Variants in TRIM72 observed in about 807,000 individuals in gnomAD.
The protein encoded by TRIM72 is tripartite motif containing 72.
Under a neutral mutation model 31.6 loss-of-function variants are expected in TRIM72, and 33 were observed. The ratio of observed to expected loss-of-function variants is 1.04; its 90% confidence interval spans 0.79 to 1.40. The LOEUF (loss-of-function observed/expected upper bound fraction) is 1.40, where lower values mean the gene tolerates loss of function less well. TRIM72 is among the 40% of genes most tolerant of loss of function. TRIM72 has a pLI of 0.00. For missense variants in TRIM72, 666 were observed against 682.7 expected (o/e 0.98, Z 0.27); for synonymous variants, 301 against 314.4 (o/e 0.96, Z 0.45).
Position 31,222,916 on chromosome 16 carries a change from G to A in TRIM72, c.830G>A (p.Trp277Ter). ...TCAGATGACTTCAAATTCCAGGTGT[G>A]GAGGAAGATGTTCCGGGCTCTGATG... ...IISDDFKFQVWRKMFRALMPA... is the reference protein window; with the variant it reads ...IISDDFKFQV The change falls in exon 6 of 7, where the codon TGG becomes TAG. Residue 277 changes from tryptophan to a stop codon, truncating the protein, a stop_gained. Coordinates refer to ENST00000322122, the MANE Select transcript of TRIM72 (RefSeq NM_001008274.4). LOFTEE classifies it low-confidence loss of function (END_TRUNC). 6.4e-7 allele frequency: 1 copy of A among 1,570,940 alleles called. No individual in the cohort carries two copies. The highest frequency in any genetic ancestry group is 1.2e-5 in the South Asian group (1 of 85,232).
chr16:31,215,084 G>T lies in TRIM72; in HGVS notation c.346G>T (p.Gly116Cys). Reference protein sequence around the residue: ...GVCASLGSHRGHRLLPAAEAH... With the variant: ...GVCASLGSHRCHRLLPAAEAH... ...GTGCGCCTCACTCGGCTCGCACCGC[G>T]GTCATCGCCTCCTGCCTGCCGCCGA... The change falls in exon 2 of 7, where the codon GGT becomes TGT. Residue 116 changes from glycine (G) to cysteine (C), a missense_variant. Gly to Cys is a radical substitution (Grantham distance 159). Coordinates refer to ENST00000322122, the MANE Select transcript of TRIM72 (RefSeq NM_001008274.4). The surrounding 1 kb of genome is among the most constrained non-coding windows in gnomAD (Gnocchi z 6.3). 6.9e-7 allele frequency: 1 copy of T among 1,452,076 alleles called. No individual in the cohort carries two copies. The highest frequency in any genetic ancestry group is 9.0e-7 in the Non-Finnish European group (1 of 1,112,260). The allele number at this position is 1,452,076 out of a possible 1,614,324, so 89.9% of individuals were successfully genotyped here.
rs1313785002 is a variant in TRIM72, at chr16:31,215,386, C to T, written c.390+258C>T. On this transcript the variant is annotated intron_variant, in intron 2 of 6. Transcript: ENST00000322122. This position sits in a 1 kb window ranked among gnomAD's most constrained non-coding sequence, Gnocchi z 6.3. ...AAACGTAGGTTTCCCGGCCTTAGTC[C>T]CTAGAGGAAACTGGAGATGGGCGGG... Among the ~76,000 whole-genome samples, 1 of 152,170 alleles carries T rather than the reference C, an allele frequency of 6.6e-6. No homozygotes were observed. Among genetic ancestry groups the T allele is most frequent in the Admixed American group, 6.5e-5 (1 of 15,276 alleles).
rs886949685 is a variant in TRIM72 at position 31,215,717 on chromosome 16, T to A, written c.390+589T>A. Reference sequence around the variant, plus strand: ...GACTGTAAGGGCTAGGCAGCCGGGATCTGCACTTATGTGTGCGGGCCCAGG... The same window carrying A: ...GACTGTAAGGGCTAGGCAGCCGGGAACTGCACTTATGTGTGCGGGCCCAGG... On this transcript the variant is annotated intron_variant, in intron 2 of 6. Transcript: ENST00000322122. The surrounding 1 kb of genome is among the most constrained non-coding windows in gnomAD (Gnocchi z 6.3). Among the ~76,000 whole-genome samples, 33 of 152,122 alleles carry A rather than the reference T, an allele frequency of 2.2e-4. 1 individual carries two copies. Among genetic ancestry groups the A allele is most frequent in the Middle Eastern group, 3.2e-3 (1 of 316 alleles).
At position 31,214,713 on chromosome 16, in the gene TRIM72, C is replaced by G; in HGVS notation, c.-7-19C>G. ...CGCGGCGCCGCGGGGTCCCCCTAACCTACTCCTCCTCCACCCAGGCCCGCC... is the reference window on the plus strand; with the variant it reads ...CGCGGCGCCGCGGGGTCCCCCTAACGTACTCCTCCTCCACCCAGGCCCGCC... On this transcript the variant is annotated intron_variant, in intron 1 of 6. Coordinates refer to ENST00000322122, the MANE Select transcript of TRIM72 (RefSeq NM_001008274.4). The G allele has an allele frequency of 6.5e-7, 1 of 1,550,100 alleles. No homozygotes were observed. The highest frequency in any genetic ancestry group is 8.6e-7 in the Non-Finnish European group (1 of 1,159,800).
intron 4 of TRIM72, among the ~76,000 whole-genome samples, chr16:31,220,269 G>A (rs2079527515): frequency 6.6e-6 from 1 of 151,570 alleles, no homozygotes; most frequent in East Asian, 1.9e-4. Context: ...AAATGCCTGG[G>A]CTCAAACAAT....
chr16:31,220,456 GTTTTTTTTTTTTTTTTTTT>G (rs71151452), intron 4 of TRIM72, among the ~76,000 whole-genome samples: 2 of 29,582 alleles, frequency 6.8e-5, no homozygotes, highest in East Asian at 1.1e-3. Flanking sequence ...TCTCTTTTGC[GTTTTTTTTTTTTTTTTTTT>G]TTTTTTTTTT....
At chr16:31,217,097 T>C in intron 2 of TRIM72, 2 of 1,484,020 alleles carry the variant, frequency 1.3e-6, no homozygotes, top group Non-Finnish European at 1.8e-6. Context: ...CTGCAGCAGG[T>C]GGAGCTGCCG....
At position 31,219,094 on chromosome 16, in the gene TRIM72, G is replaced by A. The variant is rs2079522050; in HGVS notation, c.391-1G>A. 6.4e-7 allele frequency: 1 copy of A among 1,566,852 alleles called. No homozygotes were observed. Among genetic ancestry groups the A allele is most frequent in the South Asian group, 1.2e-5 (1 of 85,712 alleles). Reference sequence around the variant, plus strand: ...TCACTTCTCCATGCCTCGACCCCCAGACACAGCTGCCACAGCAGAAACTGC... The same window carrying A: ...TCACTTCTCCATGCCTCGACCCCCAAACACAGCTGCCACAGCAGAAACTGC... On this transcript the variant is annotated splice_acceptor_variant, in intron 2 of 6. Coordinates refer to ENST00000322122, the MANE Select transcript of TRIM72 (RefSeq NM_001008274.4). LOFTEE classifies it high-confidence loss of function. The surrounding 1 kb of genome is among the most constrained non-coding windows in gnomAD (Gnocchi z 4.2).
In TRIM72 at chr16:31,214,881, A is replaced by G. The variant is rs747047326; in HGVS notation, c.143A>G (p.Asp48Gly). Residue 48 changes from aspartate to glycine, a missense_variant, in exon 2 of 7, where the codon GAT becomes GGT. Transcript: ENST00000322122. ...CGCGTGGCCGGGGAGCCGGCGGCGG[A>G]TGGCACCGTTCTCTGCCCCTGCTGC... is the stretch of plus-strand genomic sequence containing the variant. ...LGRVAGEPAA[D>G]GTVLCPCCQA... 3.3e-6 allele frequency: 5 copies of G among 1,528,482 alleles called. No individual in the cohort carries two copies. The highest frequency in any genetic ancestry group is 2.2e-4 in the Middle Eastern group (1 of 4,572). 94.7% of individuals were successfully genotyped at this position (1,528,482 alleles called of 1,614,324 possible).
Position 31,220,904 on chromosome 16 carries a change from C to T in TRIM72, c.726C>T (p.Cys242=), listed in dbSNP as rs1164375721. 1 of 1,614,074 alleles carries T rather than the reference C, an allele frequency of 6.2e-7. No homozygotes were observed. The highest frequency in any genetic ancestry group is 1.3e-5 in the African/African-American group (1 of 74,922). The part of the protein sequence containing the change: ...KPQTEFLMKY[C]LVTSRLQKIL... ...TTTTTCTCTCTCTCCAGAAATACTG[C>T]CTGGTGACCAGCAGGTGAGAGCAAC... is the stretch of plus-strand genomic sequence containing the variant. Residue 242 remains cysteine, a synonymous_variant, in exon 5 of 7, where the codon TGC becomes TGT. Coordinates refer to ENST00000322122, the MANE Select transcript of TRIM72 (RefSeq NM_001008274.4).
At position 31,216,295 on chromosome 16, in the gene TRIM72, T is replaced by A. The variant is rs2079507924; in HGVS notation, c.390+1167T>A. The A allele has an allele frequency of 6.4e-6, 1 of 156,660 alleles. No homozygotes were observed. Among genetic ancestry groups the A allele is most frequent in the Non-Finnish European group, 1.4e-5 (1 of 71,154 alleles). The allele number at this position is 156,660 out of a possible 1,614,324, so 9.7% of individuals were successfully genotyped here. On this transcript the variant is annotated intron_variant, in intron 2 of 6. Coordinates refer to ENST00000322122, the MANE Select transcript of TRIM72 (RefSeq NM_001008274.4). This position sits in a 1 kb window ranked among gnomAD's most constrained non-coding sequence, Gnocchi z 6.7. Reference sequence around the variant, plus strand: ...CTCCTAGCTCAGGGCAGGAGCCTCCTCCCGGGACCCCTCCCATCCCAGCAC... The same window carrying A: ...CTCCTAGCTCAGGGCAGGAGCCTCCACCCGGGACCCCTCCCATCCCAGCAC...
In TRIM72 at chr16:31,214,780, C is replaced by A. The variant is rs764074408; in HGVS notation, c.42C>A (p.Cys14Ter). 11 of 1,582,038 alleles carry A rather than the reference C, an allele frequency of 7.0e-6. No homozygotes were observed. In the South Asian group the frequency reaches 1.2e-4, roughly 18 times the overall value. ...APGLLHQELS[C>*]PLCLQLFDAP... Reference sequence around the variant, plus strand: ...GCCTCCTGCACCAGGAGCTGTCCTGCCCGCTGTGCCTGCAGCTGTTCGACG... The same window carrying A: ...GCCTCCTGCACCAGGAGCTGTCCTGACCGCTGTGCCTGCAGCTGTTCGACG... The change falls in exon 2 of 7, where the codon TGC (cysteine) becomes TGA (stop). Residue 14 changes from cysteine to a stop codon, truncating the protein, a stop_gained. Transcript: ENST00000322122. LOFTEE classifies it high-confidence loss of function.
Position 31,215,700 on chromosome 16 carries a change from G to A in TRIM72, c.390+572G>A, listed in dbSNP as rs2079505034. On this transcript the variant is annotated intron_variant, in intron 2 of 6. Transcript: ENST00000322122. This position sits in a 1 kb window ranked among gnomAD's most constrained non-coding sequence, Gnocchi z 6.3. ...GGCCTCACCAGAAGGGAGACTGTAA[G>A]GGCTAGGCAGCCGGGATCTGCACTT... Among the ~76,000 whole-genome samples the A allele has an allele frequency of 6.6e-6, 1 of 152,228 alleles. No individual in the cohort carries two copies. Among genetic ancestry groups the A allele is most frequent in the Admixed American group, 6.5e-5 (1 of 15,282 alleles).
rs778791543 is a variant in TRIM72 at position 31,216,850 on chromosome 16, T to C, written c.390+1722T>C. 1 of 1,613,790 alleles carries C rather than the reference T, an allele frequency of 6.2e-7. No homozygotes were observed. The highest frequency in any genetic ancestry group is 1.1e-5 in the South Asian group (1 of 91,086). ...GAGCTCGGCTGCGTAGTCCTCGTAGTAGGAGGCGACCAGCTTGTCGGTGAG... is the reference window on the plus strand; with the variant it reads ...GAGCTCGGCTGCGTAGTCCTCGTAGCAGGAGGCGACCAGCTTGTCGGTGAG... On this transcript the variant is annotated intron_variant, in intron 2 of 6. Transcript: ENST00000322122. This position sits in a 1 kb window ranked among gnomAD's most constrained non-coding sequence, Gnocchi z 6.7.
In TRIM72 at chr16:31,224,164, C is replaced by G; in HGVS notation, c.860-17C>G. 1 of 1,598,992 alleles carries G rather than the reference C, an allele frequency of 6.3e-7. No homozygotes were observed. The highest frequency in any genetic ancestry group is 8.5e-7 in the Non-Finnish European group (1 of 1,179,190). ...AGGCAGAAACCTAGGGTTTTCTGAC[C>G]GTGTTCTCTCTGGCAGCGCTGGAGG... On this transcript the variant is annotated splice_polypyrimidine_tract_variant and intron_variant, in intron 6 of 6. Coordinates refer to ENST00000322122, the MANE Select transcript of TRIM72 (RefSeq NM_001008274.4).
Position 31,216,795 on chromosome 16 carries a change from C to T in TRIM72, c.390+1667C>T. Reference sequence around the variant, plus strand: ...GCTGCAGCCGTGCGGCCTCCTCCAACATGCGCATGTCGCGCAGCACGGCCA... The same window carrying T: ...GCTGCAGCCGTGCGGCCTCCTCCAATATGCGCATGTCGCGCAGCACGGCCA... On this transcript the variant is annotated intron_variant, in intron 2 of 6. Transcript: ENST00000322122. This position sits in a 1 kb window ranked among gnomAD's most constrained non-coding sequence, Gnocchi z 6.7. The T allele has an allele frequency of 6.2e-7, 1 of 1,610,846 alleles. No individual in the cohort carries two copies. The highest frequency in any genetic ancestry group is 1.1e-5 in the South Asian group (1 of 91,056).
Position 31,216,615 on chromosome 16 carries a change from G to T in TRIM72, c.390+1487G>T. The T allele has an allele frequency of 1.0e-6, 1 of 989,124 alleles. No individual in the cohort carries two copies. Among genetic ancestry groups the T allele is most frequent in the Non-Finnish European group, 1.5e-6 (1 of 676,296 alleles). 61.3% of individuals were successfully genotyped at this position (989,124 alleles called of 1,614,324 possible). On this transcript the variant is annotated intron_variant, in intron 2 of 6. Coordinates refer to ENST00000322122, the MANE Select transcript of TRIM72 (RefSeq NM_001008274.4). This position sits in a 1 kb window ranked among gnomAD's most constrained non-coding sequence, Gnocchi z 6.7. ...CAGCCCAGCCCTTCGCCCCCGGGAG[G>T]GGCTGGCCGGAGGTCTGAGGGAGGA...
Position 31,224,741 on chromosome 16 carries a change from G to A in TRIM72, c.1420G>A (p.Gly474Ser). The change falls in exon 7 of 7, where the codon GGC (glycine) becomes AGC (serine). Residue 474 changes from glycine to serine, a missense_variant. By Grantham distance (56) the Gly-to-Ser change is moderately conservative. Transcript: ENST00000322122. ...GCCGCTGCTGCTCGTGGGTCCCGAA[G>A]GCGCCGAGGCCTGAGCCGCCGGACG... ...AQPLLLVGPEGAEA is the reference protein window; with the variant it reads ...AQPLLLVGPESAEA 1 of 1,501,308 alleles carries A rather than the reference G, an allele frequency of 6.7e-7. No individual in the cohort carries two copies. Among genetic ancestry groups the A allele is most frequent in the Non-Finnish European group, 8.9e-7 (1 of 1,129,416 alleles). The allele number at this position is 1,501,308 out of a possible 1,614,324, so 93.0% of individuals were successfully genotyped here. A position where few individuals can be genotyped will look rare whatever the true frequency, so the allele number is the denominator to read the frequency against.
At chr16:31,223,096 C>T (rs2079541136) in intron 6 of TRIM72, 151 bp downstream of exon 6, 1 of 673,258 alleles carries the variant, frequency 1.5e-6, no homozygotes, top group Admixed American at 2.9e-5. Context: ...CTGCAGTCCT[C>T]TAACCTGTGT....
Sources: gnomAD v4.1 joint callset for allele counts (sites outside exome capture counted in the v4.1 genomes callset) on GRCh38, gnomAD v4.1.1 for gene constraint, Gnocchi (gnomAD v3.1) non-coding constraint, MANE v1.5 for transcripts, NCBI Gene and HGNC (gene_info 2026-07-23, HGNC 2026-07-21) for gene names.